ARFGEF1: variants seen among roughly 807,000 people sequenced by gnomAD.
ARFGEF1 encodes the protein brefeldin A-inhibited guanine nucleotide-exchange protein 1.
Under a neutral mutation model 231.0 loss-of-function variants are expected in ARFGEF1, and 42 were observed. The ratio of observed to expected loss-of-function variants is 0.18; its 90% CI spans 0.14 to 0.24. The LOEUF (loss-of-function observed/expected upper bound fraction) is 0.24. Ranked by LOEUF, ARFGEF1 falls within the 10% of genes least tolerant of loss-of-function variation. The pLI is 1.00. For missense variants in ARFGEF1, 1,345 were observed against 2,192.0 expected, an observed-to-expected ratio of 0.61 and a Z score of 7.72; for synonymous variants, 710 against 732.3, an observed-to-expected ratio of 0.97 and a Z score of 0.49.
chr8:67,252,185 T>C (rs1249716723), intron 18 of ARFGEF1, among the ~76,000 whole-genome samples: 1 of 150,312 alleles, frequency 6.7e-6, no homozygotes, highest in East Asian at 2.0e-4. Flanking sequence ...GGCAGGAGAA[T>C]TGCTTGAACC....
At chr8:67,222,175 A>ATG in intron 29 of ARFGEF1, among the ~76,000 whole-genome samples, 1 of 109,494 alleles carries the variant, frequency 9.1e-6, no homozygotes, top group African/African-American at 4.3e-5. Flanking sequence ...ATATATATAT[A>ATG]TATACACATA....
intron 30 of ARFGEF1, among the ~76,000 whole-genome samples, chr8:67,219,089 C>T (rs1406955193): frequency 6.6e-6 from 1 of 152,138 alleles, no homozygotes; most frequent in Non-Finnish European, 1.5e-5. Context: ...GCCTCAGCCT[C>T]CCAAGTAGCT....
At chr8:67,192,203 T>C (rs1343003990) in intron 5 of ARFGEF1, among the ~76,000 whole-genome samples, 2 of 151,892 alleles carry the variant, frequency 1.3e-5, no homozygotes, top group East Asian at 1.9e-4. Context: ...GCCTCCCAAG[T>C]AGCTGGGATT....
chr8:67,267,303 A>G (rs1804889204), intron 11 of ARFGEF1, 40 bp downstream of exon 11: 3 of 1,585,320 alleles, frequency 1.9e-6, no homozygotes, highest in African/African-American at 1.4e-5. Flanking sequence ...TAAATATCTA[A>G]TAATAAGAAA....
At chr8:67,310,964 G>GT (rs2128921575) in intron 1 of ARFGEF1, among the ~76,000 whole-genome samples, 1 of 3,422 alleles carries the variant, frequency 2.9e-4, no homozygotes, top group African/African-American at 1.1e-3. Flanking sequence ...CAGGAGGGAG[G>GT]TGGGGCCCGG....
intron 5 of ARFGEF1, among the ~76,000 whole-genome samples, chr8:67,180,778 C>T (rs2129570991): frequency 6.6e-6 from 1 of 152,034 alleles, no homozygotes; most frequent in Non-Finnish European, 1.5e-5. Context: ...ATTTATAGTT[C>T]TCTTAATATT....
chr8:67,279,426 T>C (rs780328903), intron 7 of ARFGEF1, among the ~76,000 whole-genome samples: 1 of 152,162 alleles, frequency 6.6e-6, no homozygotes, highest in African/African-American at 2.4e-5. Flanking sequence ...CCTTTTTCAA[T>C]TTTGTGCACA....
chr8:67,192,066 G>GT (rs34907123), intron 5 of ARFGEF1, among the ~76,000 whole-genome samples: 8,205 of 129,718 alleles, frequency 0.063, 303 homozygotes, highest in African/African-American at 0.11. Flanking sequence ...TTGCTGATTT[G>GT]TTTTTTTTTT....
At chr8:67,253,345 G>A (rs2128886214) in intron 18 of ARFGEF1, 106 bp downstream of exon 18, 1 of 720,848 alleles carries the variant, frequency 1.4e-6, no homozygotes. Flanking sequence ...CTGAGTAGCT[G>A]GGGACTATAA....
Position 67,228,224 on chromosome 8 carries a change from C to A in ARFGEF1, c.3421G>T (p.Val1141Leu). 1 of 1,610,768 alleles carries A rather than the reference C, an allele frequency of 6.2e-7. No individual in the cohort carries two copies. The highest frequency in any genetic ancestry group is 8.5e-7 in the Non-Finnish European group (1 of 1,178,218). Residue 1141 changes from valine (V) to leucine (L), a missense_variant and splice_region_variant, in exon 24 of 39, where the codon GTG becomes TTG. Transcript: ENST00000262215. ...AAGTAGAATAAATGCCCATACTTAC[C>A]AATGGCATTTCCATCTAGCCTTGTA... ...GSTRLDGNAI[V>L]DFVRWLCAVS... is the part of the protein sequence containing the mutation.
At chr8:67,272,620 A>T (rs1805143558) in intron 9 of ARFGEF1, among the ~76,000 whole-genome samples, 1 of 152,180 alleles carries the variant, frequency 6.6e-6, no homozygotes, top group Non-Finnish European at 1.5e-5. Context: ...GTCAGATTAA[A>T]TGCCATATTT....
intron 14 of ARFGEF1, among the ~76,000 whole-genome samples, chr8:67,263,738 G>A (rs1156356176): frequency 6.6e-6 from 1 of 152,076 alleles, no homozygotes; most frequent in African/African-American, 2.4e-5. Flanking sequence ...CCTACCCCTA[G>A]AAGCTCTCAC....
At chr8:67,301,986 C>G (rs1806512233) in intron 2 of ARFGEF1, among the ~76,000 whole-genome samples, 1 of 152,008 alleles carries the variant, frequency 6.6e-6, no homozygotes, top group African/African-American at 2.4e-5. Flanking sequence ...GTGCGTGGGT[C>G]ACTTGAGTTC....
In ARFGEF1 at chr8:67,291,847, T is replaced by G. The variant is rs1460770955; in HGVS notation, c.916A>C (p.Thr306Pro). ...CAAACCCCCTTTTCAAGAAGATTAC[T>G]TTCAGCTGCAGTTGCCTGATCAGCT... is the stretch of plus-strand genomic sequence containing the variant. Reference protein sequence around the residue: ...TEADQATAAETLSKNEVLYDG... With the variant: ...TEADQATAAEPLSKNEVLYDG... Residue 306 changes from threonine to proline, a missense_variant and splice_region_variant, in exon 6 of 39, where the codon ACA becomes CCA. Around this residue, in one of 14 missense-constraint regions of ARFGEF1, gnomAD observed 398 missense variants for 463.2 expected, o/e 0.86. Coordinates refer to ENST00000262215, the MANE Select transcript of ARFGEF1 (RefSeq NM_006421.5). 6.2e-7 allele frequency: 1 copy of G among 1,612,090 alleles called. No homozygotes were observed. The highest frequency in any genetic ancestry group is 8.5e-7 in the Non-Finnish European group (1 of 1,178,694).
intron 34 of ARFGEF1, among the ~76,000 whole-genome samples, chr8:67,209,648 T>C (rs929240505): frequency 2.6e-5 from 4 of 152,230 alleles, no homozygotes; most frequent in African/African-American, 9.6e-5. Context: ...TGGTCTTTTC[T>C]AGGTGTTGTA....
At chr8:67,186,975 A>G (rs368817583) in intron 5 of ARFGEF1, among the ~76,000 whole-genome samples, 2 of 71,180 alleles carry the variant, frequency 2.8e-5, no homozygotes, top group African/African-American at 9.8e-5. Flanking sequence ...TCTATCATCT[A>G]TCTATCTATC....
Position 67,291,976 on chromosome 8 carries a change from C to G in ARFGEF1, c.787G>C (p.Gly263Arg). ...TVDHISQEHE[G>R]DLDLHTNDVD... The stretch of plus-strand genomic sequence containing the variant: ...TCATTTGTATGGAGGTCAAGGTCCC[C>G]TTCGTGTTCTTGGGATATATGATCA... The change falls in exon 6 of 39, where the codon GGG becomes CGG. Residue 263 changes from glycine to arginine, a missense_variant. Physicochemically the swap from Gly to Arg is moderately radical, Grantham distance 125. Transcript: ENST00000262215. 1 of 1,613,906 alleles carries G rather than the reference C, an allele frequency of 6.2e-7. No homozygotes were observed. The highest frequency in any genetic ancestry group is 8.5e-7 in the Non-Finnish European group (1 of 1,179,900).
chr8:67,276,630 G>A (rs1438764987), intron 8 of ARFGEF1, among the ~76,000 whole-genome samples: 3 of 152,128 alleles, frequency 2.0e-5, no homozygotes, highest in African/African-American at 7.2e-5. Context: ...GGGTAGGAAG[G>A]AGGAAAAGAA....
chr8:67,319,441 C>T (rs79711131), intron 1 of ARFGEF1, among the ~76,000 whole-genome samples: 2,362 of 146,502 alleles, frequency 0.016, 44 homozygotes, highest in Non-Finnish European at 0.021. Flanking sequence ...AGTACAAGTG[C>T]AATTCAATGG....
Sources: gnomAD v4.1 joint callset for allele counts (sites outside exome capture counted in the v4.1 genomes callset) on GRCh38, gnomAD v4.1.1 for gene constraint, gnomAD v4.1.1 regional missense constraint, MANE v1.5 for transcripts, NCBI Gene and HGNC (gene_info 2026-07-23, HGNC 2026-07-21) for gene names.